NCSTN: variants seen among roughly 807,000 people sequenced by gnomAD.
NCSTN encodes nicastrin, also known as anterior pharynx-defective 2.
Under a neutral mutation model 87.0 loss-of-function variants are expected in NCSTN, and 22 were observed. That is an observed-to-expected ratio of 0.25 (90% confidence interval 0.18 to 0.36). The LOEUF is 0.36. NCSTN is among the 10% of genes least tolerant of loss of function. The pLI is 1.00. For synonymous variants in NCSTN, 306 were observed against 327.1 expected (o/e 0.94, Z 0.69); for missense variants, 693 against 883.3 (o/e 0.78, Z 2.73).
At chr1:160,353,065 C>T in intron 9 of NCSTN, 74 bp downstream of exon 9, 3 of 1,576,090 alleles carry the variant, frequency 1.9e-6, no homozygotes, top group East Asian at 2.2e-5. Context: ...GTCTTAACTG[C>T]AGGAACCACC....
rs200043700 is a variant in NCSTN, at chr1:160,351,665, G to A, written c.734-31G>A. 4.9e-4 allele frequency: 752 copies of A among 1,529,178 alleles called. 6 individuals are homozygous for A. The highest frequency in any genetic ancestry group is 1.5e-4 in the Admixed American group (9 of 59,884). 94.7% of individuals were successfully genotyped at this position (1,529,178 alleles called of 1,614,324 possible). ...TATAGCTACCTTCTCCTTTAGCCTTGTTGATCTCTCATTGTTTGTGTCCTG... is the reference window on the plus strand; with the variant it reads ...TATAGCTACCTTCTCCTTTAGCCTTATTGATCTCTCATTGTTTGTGTCCTG... On this transcript the variant is annotated intron_variant, in intron 6 of 16. Transcript: ENST00000294785.
At chr1:160,354,971 G>A (rs909197646) in intron 11 of NCSTN, among the ~76,000 whole-genome samples, 2 of 152,190 alleles carry the variant, frequency 1.3e-5, no homozygotes, top group Non-Finnish European at 2.9e-5. Flanking sequence ...CATTCATTTA[G>A]GGGAGTGACC....
intron 11 of NCSTN, among the ~76,000 whole-genome samples, chr1:160,354,910 T>C (rs540807561): frequency 6.6e-6 from 1 of 152,312 alleles, no homozygotes; most frequent in Non-Finnish European, 1.5e-5. Flanking sequence ...ATGAGTTTCG[T>C]AGTGAAAATG....
In NCSTN at chr1:160,358,704, A is replaced by G. The variant is rs199591331; in HGVS notation, c.*433A>G. The G allele has an allele frequency of 3.5e-6, 1 of 283,274 alleles. No homozygotes were observed. The highest frequency in any genetic ancestry group is 4.7e-5 in the Admixed American group (1 of 21,164). 17.5% of individuals were successfully genotyped at this position (283,274 alleles called of 1,614,324 possible). A position where few individuals can be genotyped will look rare whatever the true frequency, so the allele number is the denominator to read the frequency against. On this transcript the variant is annotated 3_prime_UTR_variant, in exon 17 of 17. Transcript: ENST00000294785. ...AGGTTTAATGTCAGGGTCAAACTAC[A>G]TTGAGCCCCTGAGGACAGGGGCATC...
Position 160,353,171 on chromosome 1 carries a change from A to T in NCSTN, c.1113A>T (p.Arg371Ser), listed in dbSNP as rs200815363. ...SFVELGQVAL[R>S]TSLELWMHTD... The stretch of plus-strand genomic sequence containing the variant: ...CATCCTCCCCCCAGGTGGCCTTAAG[A>T]ACTTCATTAGAGCTTTGGATGCACA... The change falls in exon 10 of 17, where the codon AGA becomes AGT. Residue 371 changes from arginine to serine, a missense_variant. Arg to Ser is a moderately radical substitution (Grantham distance 110). Transcript: ENST00000294785. 2 of 1,613,984 alleles carry T rather than the reference A, an allele frequency of 1.2e-6. No individual in the cohort carries two copies. The highest frequency in any genetic ancestry group is 2.2e-5 in the East Asian group (1 of 44,902).
At chr1:160,349,500 T>C in intron 3 of NCSTN, 49 bp from the exon 4 acceptor site, 1 of 1,613,354 alleles carries the variant, frequency 6.2e-7, no homozygotes, top group Non-Finnish European at 8.5e-7. Context: ...AATGTCAGGC[T>C]GTCTGATACC....
intron 6 of NCSTN, 48 bp downstream of exon 6, chr1:160,351,420 A>C (rs779692097): frequency 6.3e-7 from 1 of 1,595,032 alleles, no homozygotes; most frequent in South Asian, 1.1e-5. Context: ...GGGCAGAGGG[A>C]GAGTGGAACC....
intron 12 of NCSTN, 50 bp downstream of exon 12, chr1:160,355,807 C>CT: frequency 6.2e-7 from 1 of 1,602,264 alleles, no homozygotes; most frequent in Non-Finnish European, 8.6e-7. Flanking sequence ...AGTGAAGATG[C>CT]TAGCATTTGA....
Position 160,344,625 on chromosome 1 carries a change from A to G in NCSTN, c.86-97A>G, listed in dbSNP as rs1486865381. On this transcript the variant is annotated intron_variant, in intron 1 of 16. Transcript: ENST00000294785. ...ATCTCATTTTAGAAAGTATGATATT[A>G]AATGATTTACCCAAGCCATACTTCA... 1.9e-6 allele frequency: 3 copies of G among 1,566,500 alleles called. No homozygotes were observed. The Admixed American group carries it at 5.7e-5, about 30-fold the overall frequency.
At chr1:160,353,621 C>G in intron 10 of NCSTN, 1 of 1,190,904 alleles carries the variant, frequency 8.4e-7, no homozygotes, top group Non-Finnish European at 1.1e-6. Flanking sequence ...TTCCTCATTG[C>G]TTGTTCAAAA....
chr1:160,356,287 A>G lies in NCSTN; in HGVS notation c.1579A>G (p.Ile527Val). 3 of 1,613,760 alleles carry G rather than the reference A, an allele frequency of 1.9e-6. No individual in the cohort carries two copies. Among genetic ancestry groups the G allele is most frequent in the Non-Finnish European group, 2.5e-6 (3 of 1,179,634 alleles). Residue 527 changes from isoleucine to valine, a missense_variant, in exon 14 of 17, where the codon ATT (isoleucine) becomes GTT (valine). This residue lies in a region of NCSTN where 216 missense variants were observed against 311.7 expected (regional missense o/e 0.69). Transcript: ENST00000294785. Reference protein sequence around the residue: ...TVTRLLYGFLIKANNSWFQSI... With the variant: ...TVTRLLYGFLVKANNSWFQSI... ...TACCCGCCTGCTCTATGGGTTCCTG[A>G]TTAAAGCCAACAACTCATGGTTCCA... is the stretch of plus-strand genomic sequence containing the variant.
rs1649146790 is a variant in NCSTN, at chr1:160,356,715, G to C, written c.1755G>C (p.Gln585His). The change falls in exon 15 of 17, where the codon CAG becomes CAC. Residue 585 changes from glutamine (Q) to histidine (H), a missense_variant. Around this residue, in one of 4 missense-constraint regions of NCSTN, gnomAD observed 216 missense variants for 311.7 expected, o/e 0.69. Transcript: ENST00000294785. ...CAGTGGTCAACCTCACCCGAGAGCA[G>C]TGCCAGGATCCAAGTAAAGTCCCAA... ...TGTVVNLTRE[Q>H]CQDPSKVPSE... 6.2e-7 allele frequency: 1 copy of C among 1,614,140 alleles called. No homozygotes were observed. Among genetic ancestry groups the C allele is most frequent in the South Asian group, 1.1e-5 (1 of 91,090 alleles).
At position 160,353,525 on chromosome 1, in the gene NCSTN, C is replaced by G. The variant is rs1249123929; in HGVS notation, c.1179+288C>G. On this transcript the variant is annotated intron_variant, in intron 10 of 16. Transcript: ENST00000294785. The stretch of plus-strand genomic sequence containing the variant: ...AGGTGAGTGACTAGCTCCCTTCTTG[C>G]CTTGCTGCCCCATGGATCCAATTGT... The G allele has an allele frequency of 8.4e-6, 11 of 1,304,930 alleles. No individual in the cohort carries two copies. In the Admixed American group the frequency reaches 9.7e-5, roughly 11 times the overall value. The allele number at this position is 1,304,930 out of a possible 1,614,324, so 80.8% of individuals were successfully genotyped here.
chr1:160,354,497 C>T (rs925417977), intron 11 of NCSTN, among the ~76,000 whole-genome samples: 2 of 152,192 alleles, frequency 1.3e-5, no homozygotes, highest in African/African-American at 2.4e-5. Flanking sequence ...CTCATCCTCA[C>T]CCTTAGCCCT....
chr1:160,355,761 G>C lies in NCSTN; in HGVS notation c.1455+4G>C. Reference sequence around the variant, plus strand: ...CTTTGTAACAGACACTGCCAAGGTAGCACTGAGCCAGGCTGGGTGGGAGCC... The same window carrying C: ...CTTTGTAACAGACACTGCCAAGGTACCACTGAGCCAGGCTGGGTGGGAGCC... On this transcript the variant is annotated splice_donor_region_variant and intron_variant, in intron 12 of 16. Transcript: ENST00000294785. 1.2e-6 allele frequency: 2 copies of C among 1,612,572 alleles called. No individual in the cohort carries two copies. Among genetic ancestry groups the C allele is most frequent in the Non-Finnish European group, 1.7e-6 (2 of 1,178,508 alleles).
chr1:160,354,226 T>TTTC lies in NCSTN; in HGVS notation c.1292_1294dup (p.Leu431dup). ...TCTCCCACCATCTTCCCTGCAGCGATTTCTTCGAGCTCGAAACATCTCTGG... is the reference window on the plus strand; with the variant it reads ...TCTCCCACCATCTTCCCTGCAGCGATTTCTTCTTCGAGCTCGAAACATCTCTGG... On this transcript the variant is annotated inframe_insertion, in exon 11 of 17. Coordinates refer to ENST00000294785, the MANE Select transcript of NCSTN (RefSeq NM_015331.3). The TTTC allele has an allele frequency of 6.2e-7, 1 of 1,614,160 alleles. No homozygotes were observed. Among genetic ancestry groups the TTTC allele is most frequent in the African/African-American group, 1.3e-5 (1 of 75,038 alleles).
In NCSTN at chr1:160,358,542, C is replaced by T. The variant is rs1649248238; in HGVS notation, c.*271C>T. 2.0e-6 allele frequency: 1 copy of T among 491,786 alleles called. No individual in the cohort carries two copies. Among genetic ancestry groups the T allele is most frequent in the African/African-American group, 1.9e-5 (1 of 51,410 alleles). The allele number at this position is 491,786 out of a possible 1,614,324, so 30.5% of individuals were successfully genotyped here. A position where few individuals can be genotyped will look rare whatever the true frequency, so the allele number is the denominator to read the frequency against. Reference sequence around the variant, plus strand: ...GGATTACAAATAGAAGCTTCTTGCTCCTGTTTAACTCCCTAGTTACCCACC... The same window carrying T: ...GGATTACAAATAGAAGCTTCTTGCTTCTGTTTAACTCCCTAGTTACCCACC... On this transcript the variant is annotated 3_prime_UTR_variant, in exon 17 of 17. Transcript: ENST00000294785.
chr1:160,358,577 C>T lies in NCSTN; in HGVS notation c.*306C>T, dbSNP rs1048466874. 2.2e-5 allele frequency: 9 copies of T among 411,460 alleles called. No homozygotes were observed. In the Admixed American group the frequency reaches 3.2e-4, roughly 15 times the overall value. 25.5% of individuals were successfully genotyped at this position (411,460 alleles called of 1,614,324 possible). On this transcript the variant is annotated 3_prime_UTR_variant, in exon 17 of 17. Coordinates refer to ENST00000294785, the MANE Select transcript of NCSTN (RefSeq NM_015331.3). Reference sequence around the variant, plus strand: ...TCCCTAGTTACCCACCCTAATTTGCCCTTCAGGACCCTTCTACTTTTTCCT... The same window carrying T: ...TCCCTAGTTACCCACCCTAATTTGCTCTTCAGGACCCTTCTACTTTTTCCT...
At chr1:160,350,393 A>G in intron 5 of NCSTN, 143 bp downstream of exon 5, 1 of 859,874 alleles carries the variant, frequency 1.2e-6, no homozygotes, top group Non-Finnish European at 1.8e-6. Flanking sequence ...CAGAGGTTTC[A>G]GTGAGCTGAG....
Sources: gnomAD v4.1 joint callset for allele counts (sites outside exome capture counted in the v4.1 genomes callset) on GRCh38, gnomAD v4.1.1 for gene constraint, gnomAD v4.1.1 regional missense constraint, MANE v1.5 for transcripts, NCBI Gene and HGNC (gene_info 2026-07-23, HGNC 2026-07-21) for gene names.